Variants in ST3GAL3 observed in about 807,000 individuals in gnomAD.
ST3GAL3 encodes the protein CMP-N-acetylneuraminate-beta-1,4-galactoside alpha-2,3-sialyltransferase.
Under a neutral mutation model 50.1 loss-of-function variants are expected in ST3GAL3, and 21 were observed. That is an observed-to-expected ratio of 0.42 (90% CI 0.30 to 0.60). ST3GAL3 has a LOEUF of 0.60. ST3GAL3 is among the 20% of genes least tolerant of loss of function. ST3GAL3 has a pLI of 0.19. For missense variants in ST3GAL3, 353 were observed against 489.4 expected (o/e 0.72, Z 2.63); for synonymous variants, 183 against 190.0 (o/e 0.96, Z 0.30).
chr1:43,716,685 A>G (rs978671594), intron 1 of ST3GAL3: 13 of 152,218 alleles, frequency 8.5e-5, no homozygotes, highest in African/African-American at 3.1e-4. Flanking sequence ...GAATTTTCAC[A>G]CTTCCTGAGG....
intron 1 of ST3GAL3, among the ~76,000 whole-genome samples, chr1:43,731,722 C>A (rs1168874453): frequency 6.9e-6 from 1 of 144,714 alleles, no homozygotes; most frequent in African/African-American, 2.6e-5. Context: ...TTAGTAGAGA[C>A]GGGATTTCAC....
intron 5 of ST3GAL3, among the ~76,000 whole-genome samples, chr1:43,872,349 C>T (rs1192764175): frequency 5.6e-5 from 5 of 89,216 alleles, no homozygotes; most frequent in East Asian, 3.0e-4. Context: ...GTGAGCGAGA[C>T]GGGGTGTGAG....
At chr1:43,835,506 T>C (rs2064178411) in intron 4 of ST3GAL3, among the ~76,000 whole-genome samples, 1 of 152,152 alleles carries the variant, frequency 6.6e-6, no homozygotes, top group South Asian at 2.1e-4. Flanking sequence ...ATCCTTGATA[T>C]TGGACTGCCT....
chr1:43,905,146 T>C (rs1202423298), intron 9 of ST3GAL3, among the ~76,000 whole-genome samples: 1 of 118,366 alleles, frequency 8.4e-6, no homozygotes, highest in Non-Finnish European at 1.7e-5. Flanking sequence ...CTCCTGCTCC[T>C]CTTCCCACCA....
intron 2 of ST3GAL3, among the ~76,000 whole-genome samples, chr1:43,739,705 T>A (rs993610801): frequency 1.3e-5 from 2 of 152,168 alleles, no homozygotes; most frequent in Non-Finnish European, 2.9e-5. Flanking sequence ...CTGTGTGAAA[T>A]GCTGTGTTGG....
At chr1:43,914,964 C>T (rs148500658) in intron 9 of ST3GAL3, among the ~76,000 whole-genome samples, 1 of 152,386 alleles carries the variant, frequency 6.6e-6, no homozygotes, top group East Asian at 1.9e-4. Context: ...CACCATCCCT[C>T]CCTTTACCTC....
At chr1:43,876,016 G>A (rs1302376307) in intron 5 of ST3GAL3, among the ~76,000 whole-genome samples, 1 of 151,088 alleles carries the variant, frequency 6.6e-6, no homozygotes, top group African/African-American at 2.4e-5. Context: ...CATCTAGGCT[G>A]GAGTACAGTA....
chr1:43,765,491 T>G (rs2154125853), intron 2 of ST3GAL3, among the ~76,000 whole-genome samples: 1 of 152,310 alleles, frequency 6.6e-6, no homozygotes, highest in Non-Finnish European at 1.5e-5. Flanking sequence ...GGTGGCTCCA[T>G]TTCATCACTA....
chr1:43,711,712 C>T (rs997627429), intron 1 of ST3GAL3, among the ~76,000 whole-genome samples: 3 of 152,246 alleles, frequency 2.0e-5, no homozygotes, highest in African/African-American at 7.2e-5. Context: ...CAATCTGTTA[C>T]ATCCGAGTTA....
intron 1 of ST3GAL3, among the ~76,000 whole-genome samples, chr1:43,732,046 C>T (rs1240057158): frequency 1.3e-5 from 2 of 152,204 alleles, no homozygotes; most frequent in Non-Finnish European, 2.9e-5. Context: ...CATATATGTA[C>T]ATACTATTCT....
intron 5 of ST3GAL3, among the ~76,000 whole-genome samples, chr1:43,878,794 C>T (rs764246846): frequency 3.9e-5 from 6 of 152,130 alleles, no homozygotes; most frequent in Non-Finnish European, 7.3e-5. Flanking sequence ...AGAGCAGACA[C>T]GGTAGTTTTG....
intron 2 of ST3GAL3, among the ~76,000 whole-genome samples, chr1:43,779,923 T>C (rs912798249): frequency 2.6e-5 from 4 of 152,242 alleles, no homozygotes; most frequent in Admixed American, 2.6e-4. Flanking sequence ...TCTATCAGCT[T>C]CATTTTCTTG....
chr1:43,898,343 G>A (rs1005227302), intron 7 of ST3GAL3, 45 bp downstream of exon 7: 1 of 1,603,538 alleles, frequency 6.2e-7, no homozygotes, highest in African/African-American at 1.3e-5. Flanking sequence ...CTGCCTGGTG[G>A]TGTGCAGAGG....
rs557736104 is a variant in ST3GAL3 at position 43,905,787 on chromosome 1, CCT to C, written c.744+6061_744+6062del. 4.8e-3 allele frequency among the ~76,000 whole-genome samples: 561 copies of C among 117,304 alleles called. 17 individuals carry two copies. The highest frequency in any genetic ancestry group is 0.019 in the African/African-American group (548 of 28,424). 77.0% of individuals were successfully genotyped at this position (117,304 alleles called of 152,430 possible). A position where few individuals can be genotyped will look rare whatever the true frequency, so the allele number is the denominator to read the frequency against. On this transcript the variant is annotated intron_variant, in intron 9 of 11. Coordinates refer to ENST00000347631, the MANE Select transcript of ST3GAL3 (RefSeq NM_006279.5). Reference sequence around the variant, plus strand: ...CTGCTCCTCTTCCTGCCACTCTTCCCCTGCCACTTTTCCTTCCCCTCTTCCTG... The same window carrying C: ...CTGCTCCTCTTCCTGCCACTCTTCCCGCCACTTTTCCTTCCCCTCTTCCTG...
intron 4 of ST3GAL3, among the ~76,000 whole-genome samples, chr1:43,835,741 G>A (rs2064222953): frequency 6.6e-6 from 1 of 152,180 alleles, no homozygotes; most frequent in African/African-American, 2.4e-5. Flanking sequence ...AAGGGCACCT[G>A]CTGTCCATCT....
intron 4 of ST3GAL3, among the ~76,000 whole-genome samples, chr1:43,817,390 CTCCTCCTTTTT>C (rs1290658631): frequency 1.0e-4 from 6 of 58,986 alleles, no homozygotes; most frequent in Non-Finnish European, 1.6e-4. Flanking sequence ...CCTTCTTCTT[CTCCTCCTTTTT>C]CTCCTTCTTC....
intron 2 of ST3GAL3, among the ~76,000 whole-genome samples, chr1:43,778,575 T>A (rs542574783): frequency 1.1e-4 from 17 of 151,922 alleles, no homozygotes; most frequent in Non-Finnish European, 2.4e-4. Flanking sequence ...CAAAATAATA[T>A]GAGTATTTAG....
At chr1:43,781,826 A>G (rs534967354) in intron 2 of ST3GAL3, among the ~76,000 whole-genome samples, 3 of 152,198 alleles carry the variant, frequency 2.0e-5, no homozygotes, top group African/African-American at 7.2e-5. Context: ...ATCACCTCCC[A>G]TTTCATAGAG....
chr1:43,814,206 A>AC (rs1438816249), intron 3 of ST3GAL3, among the ~76,000 whole-genome samples: 3 of 151,746 alleles, frequency 2.0e-5, no homozygotes, highest in African/African-American at 7.3e-5. Flanking sequence ...TCTTTTCCTT[A>AC]CCCCACCTGC....
Sources: allele counts gnomAD v4.1 joint callset (sites outside exome capture counted in the v4.1 genomes callset), GRCh38; gene constraint gnomAD v4.1.1; transcripts MANE v1.5; gene names NCBI Gene and HGNC (gene_info 2026-07-23, HGNC 2026-07-21).